XKR9: variants seen among roughly 807,000 people sequenced by gnomAD.
XKR9 encodes the protein XK-related protein 9.
XKR9 carries 32 observed loss-of-function variants against 32.0 expected under a neutral mutation model. That is an observed-to-expected ratio of 1.00 (90% CI 0.76 to 1.34). The LOEUF (loss-of-function observed/expected upper bound fraction) is 1.34, where lower values mean the gene tolerates loss of function less well. Ranked by LOEUF, XKR9 falls within the 40% of genes most tolerant of loss-of-function variation. XKR9 has a pLI of 0.00. For synonymous variants in XKR9, 168 were observed against 143.4 expected (o/e 1.17, Z -1.22); for missense variants, 546 against 429.7 (o/e 1.27, Z -2.39).
the XKR9 span, among the ~76,000 whole-genome samples, chr8:70,820,849 T>A: frequency 6.6e-6 from 1 of 152,188 alleles, no homozygotes; most frequent in Non-Finnish European, 1.5e-5. Flanking sequence ...GTGGGGATTA[T>A]GGGGATTATA....
At chr8:70,720,659 G>C (rs1373481475) in intron 4 of XKR9, among the ~76,000 whole-genome samples, 1 of 152,096 alleles carries the variant, frequency 6.6e-6, no homozygotes, top group African/African-American at 2.4e-5. Flanking sequence ...TGACTTGATC[G>C]TGGTAGATAA....
At chr8:70,958,378 T>C in the XKR9 span, among the ~76,000 whole-genome samples, 1 of 152,218 alleles carries the variant, frequency 6.6e-6, no homozygotes, top group African/African-American at 2.4e-5. Flanking sequence ...TTTTTGACTT[T>C]TTAATAATAG....
the XKR9 span, among the ~76,000 whole-genome samples, chr8:70,974,446 A>T: frequency 6.6e-6 from 1 of 151,792 alleles, no homozygotes; most frequent in Non-Finnish European, 1.5e-5. Flanking sequence ...CCTGTGTCCA[A>T]GTGTTCTTAT....
chr8:70,779,379 C>T lies in XKR9; in HGVS notation n.353-9960C>T, dbSNP rs1807581704. On this transcript the variant is annotated intron_variant and non_coding_transcript_variant, in intron 2 of 3. Coordinates refer to the XKR9 transcript ENST00000520273. ...ACTATTTTATTGAAGATTTTCGCATCAATGTTCATCAGGGATATTGGCCTA... is the reference window on the plus strand; with the variant it reads ...ACTATTTTATTGAAGATTTTCGCATTAATGTTCATCAGGGATATTGGCCTA... Among the ~76,000 whole-genome samples the T allele has an allele frequency of 3.3e-5, 5 of 152,232 alleles. No homozygotes were observed. The South Asian group carries it at 6.2e-4, about 19-fold the overall frequency.
chr8:71,047,015 T>C, the XKR9 span, among the ~76,000 whole-genome samples: 1 of 152,238 alleles, frequency 6.6e-6, no homozygotes, highest in African/African-American at 2.4e-5. Context: ...ACCACAAATA[T>C]GAAGAAATAT....
chr8:70,697,849 C>A (rs1396254715), intron 3 of XKR9, among the ~76,000 whole-genome samples: 2 of 152,016 alleles, frequency 1.3e-5, no homozygotes, highest in Non-Finnish European at 2.9e-5. Context: ...TTGATTATTG[C>A]CACAATTTCA....
chr8:70,671,032 T>G (rs116105259), intron 1 of XKR9, among the ~76,000 whole-genome samples: 1,915 of 152,286 alleles, frequency 0.013, 43 homozygotes, highest in African/African-American at 0.042. Flanking sequence ...ATTAATTTCC[T>G]TACTTAACTT....
At chr8:70,962,598 C>T in the XKR9 span, among the ~76,000 whole-genome samples, 3 of 152,270 alleles carry the variant, frequency 2.0e-5, no homozygotes, top group Admixed American at 2.0e-4. Flanking sequence ...TTTCTTTATC[C>T]GATCCACCAC....
At chr8:70,874,683 G>T in the XKR9 span, among the ~76,000 whole-genome samples, 1 of 152,162 alleles carries the variant, frequency 6.6e-6, no homozygotes, top group Non-Finnish European at 1.5e-5. Flanking sequence ...TATTGACTTC[G>T]TATCTGAAAA....
At chr8:70,901,738 G>A in the XKR9 span, among the ~76,000 whole-genome samples, 1 of 152,114 alleles carries the variant, frequency 6.6e-6, no homozygotes, top group South Asian at 2.1e-4. Flanking sequence ...CCTTGCCCAT[G>A]CCTGTGTTCT....
chr8:70,701,315 A>T (rs1011369530), intron 3 of XKR9, among the ~76,000 whole-genome samples: 1 of 152,050 alleles, frequency 6.6e-6, no homozygotes, highest in African/African-American at 2.4e-5. Context: ...AGCTGTTCCT[A>T]TTCGTCCATC....
At chr8:70,934,227 A>G in the XKR9 span, among the ~76,000 whole-genome samples, 1 of 152,092 alleles carries the variant, frequency 6.6e-6, no homozygotes, top group African/African-American at 2.4e-5. Flanking sequence ...ATGGAATGCC[A>G]GGAAATTCCA....
At chr8:70,757,984 A>G (rs1049008430) in intron 2 of XKR9, among the ~76,000 whole-genome samples, 2 of 152,054 alleles carry the variant, frequency 1.3e-5, no homozygotes, top group Non-Finnish European at 1.5e-5. Context: ...CTGCTCTCCC[A>G]CTTGCCAGAG....
At chr8:70,923,988 A>G in the XKR9 span, among the ~76,000 whole-genome samples, 1 of 152,142 alleles carries the variant, frequency 6.6e-6, no homozygotes, top group Admixed American at 6.5e-5. Context: ...TCTAGTGGTA[A>G]TGTTGGTGAA....
the XKR9 span, among the ~76,000 whole-genome samples, chr8:70,865,488 A>G: frequency 6.6e-6 from 1 of 152,230 alleles, no homozygotes; most frequent in Non-Finnish European, 1.5e-5. Flanking sequence ...GTGGAAAAAT[A>G]AAATAATTTT....
At chr8:70,996,200 T>C in the XKR9 span, among the ~76,000 whole-genome samples, 5 of 152,226 alleles carry the variant, frequency 3.3e-5, no homozygotes, top group Admixed American at 3.3e-4. Flanking sequence ...CCTAGAAATG[T>C]ATTAGTCAGG....
At chr8:70,960,189 G>A in the XKR9 span, among the ~76,000 whole-genome samples, 1 of 151,968 alleles carries the variant, frequency 6.6e-6, no homozygotes, top group Non-Finnish European at 1.5e-5. Context: ...AGGTTGCAGT[G>A]AGCCGAGATC....
chr8:70,682,597 T>C (rs1819119760), intron 3 of XKR9, among the ~76,000 whole-genome samples: 1 of 152,186 alleles, frequency 6.6e-6, no homozygotes, highest in Non-Finnish European at 1.5e-5. Context: ...TTTCAAATGC[T>C]ACTGTTTTGC....
At chr8:71,001,688 A>T in the XKR9 span, among the ~76,000 whole-genome samples, 48,246 of 151,890 alleles carry the variant, frequency 0.32, 8,945 homozygotes, top group Non-Finnish European at 0.43. Context: ...AGGGATGAGG[A>T]TACAGCACTG....
Sources: gnomAD v4.1 joint callset for allele counts (sites outside exome capture counted in the v4.1 genomes callset) on GRCh38, gnomAD v4.1.1 for gene constraint, MANE v1.5 for transcripts, NCBI Gene and HGNC (gene_info 2026-07-23, HGNC 2026-07-21) for gene names.